Variants in CRYBG1 observed in about 807,000 individuals in gnomAD.
CRYBG1 encodes the protein beta/gamma crystallin domain-containing protein 1.
In CRYBG1, 139 loss-of-function variants were observed where a neutral mutation model predicts 189.2. The ratio of observed to expected loss-of-function variants is 0.73; its 90% CI spans 0.64 to 0.85. The LOEUF (loss-of-function observed/expected upper bound fraction) is 0.85, where lower values mean the gene tolerates loss of function less well. Ranked by LOEUF, CRYBG1 falls within the 40% of genes least tolerant of loss-of-function variation. The probability of loss-of-function intolerance (pLI) is 0.00; values close to 1 mark genes in which losing one functional copy is unlikely to be tolerated. For missense variants in CRYBG1, 2,611 were observed against 2,675.8 expected (o/e 0.98, Z 0.53); for synonymous variants, 1,023 against 1,017.1 (o/e 1.01, Z -0.11).
chr6:106,476,168 C>T (rs550795674), intron 2 of CRYBG1, among the ~76,000 whole-genome samples: 2 of 152,306 alleles, frequency 1.3e-5, no homozygotes, highest in South Asian at 4.1e-4. Flanking sequence ...ATATAATTAT[C>T]TTAACCTTGT....
At chr6:106,362,791 C>T (rs866580919) in intron 1 of CRYBG1, among the ~76,000 whole-genome samples, 8 of 152,064 alleles carry the variant, frequency 5.3e-5, no homozygotes, top group Admixed American at 1.3e-4. Context: ...ATTTAATGTA[C>T]CCAACATTGA....
chr6:106,386,254 C>T (rs1056795772), intron 1 of CRYBG1, among the ~76,000 whole-genome samples: 5 of 152,144 alleles, frequency 3.3e-5, no homozygotes, highest in South Asian at 4.1e-4. Context: ...GGTCTTTCCC[C>T]GTTTTTCAAA....
intron 1 of CRYBG1, among the ~76,000 whole-genome samples, chr6:106,448,278 A>G (rs1771707125): frequency 6.6e-6 from 1 of 152,168 alleles, no homozygotes; most frequent in Non-Finnish European, 1.5e-5. Flanking sequence ...CCAACACCCC[A>G]TCATTCTCCT....
intron 1 of CRYBG1, among the ~76,000 whole-genome samples, chr6:106,382,559 A>C (rs750230625): frequency 6.6e-6 from 1 of 152,216 alleles, no homozygotes; most frequent in Non-Finnish European, 1.5e-5. Flanking sequence ...TTGGCCAAGC[A>C]TGGTGGCTCA....
chr6:106,410,526 A>G (rs56787411), intron 1 of CRYBG1, among the ~76,000 whole-genome samples: 1,896 of 152,366 alleles, frequency 0.012, 33 homozygotes, highest in African/African-American at 0.043. Flanking sequence ...ATTACTGGGT[A>G]TATACCAAAA....
Position 106,520,202 on chromosome 6 carries a change from C to T in CRYBG1, c.2994C>T (p.Ser998=), listed in dbSNP as rs1033312498. The T allele has an allele frequency of 7.4e-6, 12 of 1,614,018 alleles. No individual in the cohort carries two copies. The highest frequency in any genetic ancestry group is 1.6e-4 in the Middle Eastern group (1 of 6,084). ...ACAGTAATGAACCTGAAGTGGTTTC[C>T]GTTGCAAGTTGTGCTCCCCCACAAG... is the stretch of plus-strand genomic sequence containing the variant. ...TCHSNEPEVV[S]VASCAPPQEE... Residue 998 remains serine (S), a synonymous_variant, in exon 4 of 22, where the codon TCC becomes TCT. Transcript: ENST00000633556.
intron 1 of CRYBG1, among the ~76,000 whole-genome samples, chr6:106,428,755 C>T (rs1247594500): frequency 6.6e-6 from 1 of 152,134 alleles, no homozygotes; most frequent in Non-Finnish European, 1.5e-5. Flanking sequence ...AAATATTTGG[C>T]ATAAGGCAGG....
intron 20 of CRYBG1, among the ~76,000 whole-genome samples, chr6:106,562,159 C>T (rs1371975642): frequency 2.0e-5 from 3 of 152,074 alleles, no homozygotes; most frequent in Non-Finnish European, 4.4e-5. Context: ...CCTGGTGCCC[C>T]GTGAGTCAGC....
intron 2 of CRYBG1, among the ~76,000 whole-genome samples, chr6:106,478,831 T>G (rs1772386924): frequency 6.6e-6 from 1 of 152,204 alleles, no homozygotes; most frequent in East Asian, 1.9e-4. Flanking sequence ...GCACAAACCC[T>G]GTTGTGAACT....
chr6:106,383,847 T>G (rs1441809151), intron 1 of CRYBG1, among the ~76,000 whole-genome samples: 2 of 152,238 alleles, frequency 1.3e-5, no homozygotes, highest in Non-Finnish European at 2.9e-5. Flanking sequence ...AACCACATCG[T>G]TGATGACTAT....
At chr6:106,526,370 T>C (rs1773738169) in intron 6 of CRYBG1, among the ~76,000 whole-genome samples, 1 of 152,222 alleles carries the variant, frequency 6.6e-6, no homozygotes, top group Non-Finnish European at 1.5e-5. Flanking sequence ...ATACAATATA[T>C]AATAGTGGCA....
intron 17 of CRYBG1, among the ~76,000 whole-genome samples, chr6:106,557,128 T>C (rs1434735125): frequency 6.6e-6 from 1 of 152,234 alleles, no homozygotes; most frequent in Non-Finnish European, 1.5e-5. Flanking sequence ...AATACTAAAG[T>C]GTTTAGAACA....
In CRYBG1 at chr6:106,568,520, AAG is replaced by A. The variant is rs1439103752; in HGVS notation, c.6354_6355del (p.Lys2119ValfsTer95). The A allele has an allele frequency of 4.3e-6, 7 of 1,613,950 alleles. No homozygotes were observed. Among genetic ancestry groups the A allele is most frequent in the African/African-American group, 1.3e-5 (1 of 74,928 alleles). ...CACATTATCCTCAACACTGTCAGCA[AAG>A]AGAAGTTTACACAAGTGTGGGAAGC... On this transcript the variant is annotated frameshift_variant, in exon 22 of 22. Coordinates refer to ENST00000633556, the MANE Select transcript of CRYBG1 (RefSeq NM_001371242.2). LOFTEE classifies it high-confidence loss of function.
At chr6:106,400,205 C>T (rs12196067) in intron 1 of CRYBG1, among the ~76,000 whole-genome samples, 12,162 of 151,536 alleles carry the variant, frequency 0.08, 636 homozygotes, top group East Asian at 0.14. Context: ...GTCTCAAACT[C>T]CTGGGCTCGA....
rs758953735 is a variant in CRYBG1 at position 106,512,162 on chromosome 6, G to C, written c.1045G>C (p.Glu349Gln). The C allele has an allele frequency of 3.9e-5, 60 of 1,534,416 alleles. No individual in the cohort carries two copies. Among genetic ancestry groups the C allele is most frequent in the Admixed American group, 5.9e-5 (3 of 50,900 alleles). The change falls in exon 3 of 22, where the codon GAG becomes CAG. Residue 349 changes from glutamate (E) to glutamine (Q), a missense_variant. By Grantham distance (29) the Glu-to-Gln change is conservative. This residue lies in a region of CRYBG1 where 985 missense variants were observed against 924.4 expected (regional missense o/e 1.07). Transcript: ENST00000633556. ...ASDLPGEPPA[E>Q]GAAHTASSAQ... ...TGATTTGCCAGGTGAGCCTCCGGCC[G>C]AGGGCGCAGCGCACACGGCCAGCTC...
intron 8 of CRYBG1, among the ~76,000 whole-genome samples, chr6:106,537,193 T>A (rs1391015894): frequency 6.6e-6 from 1 of 152,208 alleles, no homozygotes; most frequent in African/African-American, 2.4e-5. Context: ...AAATCCCCTC[T>A]GAACTCAAGC....
intron 1 of CRYBG1, among the ~76,000 whole-genome samples, chr6:106,392,099 G>A (rs1044006151): frequency 1.5e-4 from 23 of 152,260 alleles, no homozygotes; most frequent in African/African-American, 5.5e-4. Flanking sequence ...AAAATGCAAA[G>A]AAGGCTCTCA....
At chr6:106,534,388 G>A (rs1809321) in intron 8 of CRYBG1, among the ~76,000 whole-genome samples, 69,151 of 151,880 alleles carry the variant, frequency 0.46, 16,260 homozygotes, top group South Asian at 0.53. Flanking sequence ...GTTTGGGCTC[G>A]TTGAACTTGG....
chr6:106,367,252 C>T (rs957838975), intron 1 of CRYBG1, among the ~76,000 whole-genome samples: 5 of 152,162 alleles, frequency 3.3e-5, no homozygotes, highest in African/African-American at 7.2e-5. Flanking sequence ...GTAAGACCTT[C>T]GAAACTTGAG....
Sources: gnomAD v4.1 joint callset for allele counts (sites outside exome capture counted in the v4.1 genomes callset) on GRCh38, gnomAD v4.1.1 for gene constraint, gnomAD v4.1.1 regional missense constraint, MANE v1.5 for transcripts, NCBI Gene and HGNC (gene_info 2026-07-23, HGNC 2026-07-21) for gene names.